MAPK8IP3: variants seen among roughly 807,000 people sequenced by gnomAD.
MAPK8IP3 encodes the protein mitogen-activated protein kinase 8 interacting protein 3.
In MAPK8IP3, 49 loss-of-function variants were observed where a neutral mutation model predicts 157.8. The observed-to-expected ratio is 0.31, with a 90% confidence interval of 0.25 to 0.39. The LOEUF is 0.39. Among genes scored for constraint, MAPK8IP3 ranks in the 10% least tolerant of loss-of-function variants. The pLI, the probability that MAPK8IP3 is intolerant of heterozygous loss-of-function variation, is 1.00. For synonymous variants in MAPK8IP3, 897 were observed against 777.7 expected (o/e 1.15, Z -2.55); for missense variants, 1,478 against 1,889.4 (o/e 0.78, Z 4.04).
intron 19 of MAPK8IP3, among the ~76,000 whole-genome samples, chr16:1,764,687 G>A (rs142021588): frequency 3.9e-5 from 6 of 152,284 alleles, no homozygotes; most frequent in Non-Finnish European, 8.8e-5. Context: ...GGCCTGCACT[G>A]GGCTGCAGGG....
chr16:1,763,569 C>G, intron 16 of MAPK8IP3, 88 bp from the exon 17 acceptor site: 1 of 1,379,836 alleles, frequency 7.2e-7, no homozygotes. Flanking sequence ...GCGGGCCTCC[C>G]TGCCGTGACC....
intron 2 of MAPK8IP3, among the ~76,000 whole-genome samples, chr16:1,726,864 C>T (rs942292244): frequency 2.0e-5 from 3 of 152,314 alleles, no homozygotes; most frequent in East Asian, 1.9e-4. Flanking sequence ...GGGCCACAGC[C>T]GTTGCCGGGG....
chr16:1,732,321 T>C (rs2039368834), intron 4 of MAPK8IP3, among the ~76,000 whole-genome samples: 1 of 152,228 alleles, frequency 6.6e-6, no homozygotes, highest in South Asian at 2.1e-4. Context: ...CATCAAGGCC[T>C]GGCCAGCTGC....
intron 4 of MAPK8IP3, among the ~76,000 whole-genome samples, chr16:1,733,905 C>T (rs1157723635): frequency 5.3e-5 from 8 of 152,240 alleles, no homozygotes; most frequent in East Asian, 3.9e-4. Context: ...CAGCCATTCA[C>T]TTCTTCTGGG....
chr16:1,763,163 T>A (rs2042051553), intron 16 of MAPK8IP3, among the ~76,000 whole-genome samples, 157 bp downstream of exon 16: 1 of 152,192 alleles, frequency 6.6e-6, no homozygotes, highest in Admixed American at 6.5e-5. Context: ...GCACACTGCC[T>A]GCCCCTCCCT....
chr16:1,759,602 C>T (rs932677320), intron 10 of MAPK8IP3, among the ~76,000 whole-genome samples: 2 of 152,172 alleles, frequency 1.3e-5, no homozygotes, highest in Admixed American at 6.5e-5. Flanking sequence ...GTCCCCTCAC[C>T]GCAGCTCCAA....
chr16:1,748,953 C>G (rs191713064), intron 8 of MAPK8IP3: 1 of 679,180 alleles, frequency 1.5e-6, no homozygotes, highest in African/African-American at 1.8e-5. Flanking sequence ...AGTCCCTGCT[C>G]TGAAGTGGTG....
Position 1,762,823 on chromosome 16 carries a change from G to T in MAPK8IP3, c.1728-13G>T. On this transcript the variant is annotated splice_polypyrimidine_tract_variant and intron_variant, in intron 15 of 31. Transcript: ENST00000610761. ...TCCTCTGCCCACCCCTCACCTCCCT[G>T]TGCCTCTGGCAGCTTCAGCCGCCTC... is the stretch of plus-strand genomic sequence containing the variant. 1 of 1,610,608 alleles carries T rather than the reference G, an allele frequency of 6.2e-7. No homozygotes were observed. The highest frequency in any genetic ancestry group is 8.5e-7 in the Non-Finnish European group (1 of 1,177,954).
chr16:1,767,419 T>A, intron 26 of MAPK8IP3, 122 bp downstream of exon 26: 1 of 1,506,352 alleles, frequency 6.6e-7, no homozygotes. Flanking sequence ...GTACCACCTA[T>A]GACTCAGGCT....
intron 8 of MAPK8IP3, among the ~76,000 whole-genome samples, chr16:1,754,959 G>A (rs926600510): frequency 3.3e-5 from 5 of 152,190 alleles, no homozygotes; most frequent in Admixed American, 6.5e-5. Context: ...ACAGGAATCC[G>A]TTCATTACCA....
chr16:1,735,687 G>A (rs1458875164), intron 4 of MAPK8IP3, among the ~76,000 whole-genome samples: 1 of 145,244 alleles, frequency 6.9e-6, no homozygotes, highest in African/African-American at 2.6e-5. Context: ...GTCCGTGTGA[G>A]CGTCTGTGTG....
Position 1,711,194 on chromosome 16 carries a change from C to A in MAPK8IP3, c.318+4537C>A, listed in dbSNP as rs535307325. Among the ~76,000 whole-genome samples the A allele has an allele frequency of 3.3e-5, 5 of 152,394 alleles. No individual in the cohort carries two copies. In the South Asian group the frequency reaches 1.0e-3, roughly 32 times the overall value. The stretch of plus-strand genomic sequence containing the variant: ...GAAAGGTTGCAGAATTAACACTCCT[C>A]ACCCAGCTTCCCAAGTGCAGGCGTC... On this transcript the variant is annotated intron_variant, in intron 1 of 31. Coordinates refer to ENST00000610761, the MANE Select transcript of MAPK8IP3 (RefSeq NM_001318852.2).
rs577337838 is a variant in MAPK8IP3, at chr16:1,766,248, G to A, written c.2658G>A (p.Lys886=). Residue 886 remains lysine (K), a synonymous_variant, in exon 22 of 32, where the codon AAG becomes AAA. Transcript: ENST00000610761. Reference sequence around the variant, plus strand: ...AGGTGGCCACCATCGCCAACGGGAAGGTCAACCCGTCCCAGTCCACAGAGG... The same window carrying A: ...AGGTGGCCACCATCGCCAACGGGAAAGTCAACCCGTCCCAGTCCACAGAGG... ...QGEVATIANG[K]VNPSQSTEEA... is the part of the protein sequence containing the mutation. 1.3e-5 allele frequency: 21 copies of A among 1,611,442 alleles called. No homozygotes were observed. In the African/African-American group the frequency reaches 2.5e-4, roughly 19 times the overall value.
Position 1,760,036 on chromosome 16 carries a change from T to C in MAPK8IP3, c.1304+21T>C, listed in dbSNP as rs1481307921. On this transcript the variant is annotated intron_variant, in intron 11 of 31. Coordinates refer to ENST00000610761, the MANE Select transcript of MAPK8IP3 (RefSeq NM_001318852.2). Reference sequence around the variant, plus strand: ...ACCAAGTAAGAGTGCCCTTCTCCTGTGTGGTGGGGCTGAGGCAGCCCTCCT... The same window carrying C: ...ACCAAGTAAGAGTGCCCTTCTCCTGCGTGGTGGGGCTGAGGCAGCCCTCCT... 1.9e-6 allele frequency: 3 copies of C among 1,613,788 alleles called. No homozygotes were observed. In the East Asian group the frequency reaches 6.7e-5, roughly 36 times the overall value.
intron 8 of MAPK8IP3, among the ~76,000 whole-genome samples, chr16:1,749,233 A>G (rs920071829): frequency 1.3e-5 from 2 of 152,192 alleles, no homozygotes; most frequent in Non-Finnish European, 2.9e-5. Context: ...GCGTACTCAC[A>G]GGTGGGGCAG....
rs900150338 is a variant in MAPK8IP3, at chr16:1,766,058, C to G, written c.2545C>G (p.Leu849Val). ...GADGVLAGIT[L>V]VGCATRCNVP... ...AGATGGCGTGCTGGCCGGTATCACCCTGGTGGGCTGTGCCACCCGCTGCAA... is the reference window on the plus strand; with the variant it reads ...AGATGGCGTGCTGGCCGGTATCACCGTGGTGGGCTGTGCCACCCGCTGCAA... Residue 849 changes from leucine to valine, a missense_variant, in exon 21 of 32, where the codon CTG (leucine) becomes GTG (valine). By Grantham distance (32) the Leu-to-Val change is conservative (BLOSUM62 1). Transcript: ENST00000610761. 2 of 1,612,844 alleles carry G rather than the reference C, an allele frequency of 1.2e-6. No individual in the cohort carries two copies. The highest frequency in any genetic ancestry group is 1.7e-5 in the Admixed American group (1 of 60,000).
intron 4 of MAPK8IP3, among the ~76,000 whole-genome samples, chr16:1,732,683 C>T (rs1036454544): frequency 3.3e-5 from 5 of 152,202 alleles, no homozygotes; most frequent in African/African-American, 7.2e-5. Context: ...GCCAGCTTGC[C>T]CCGAGAACAG....
At chr16:1,738,290 A>G (rs1421458891) in intron 4 of MAPK8IP3, among the ~76,000 whole-genome samples, 3 of 65,092 alleles carry the variant, frequency 4.6e-5, no homozygotes, top group Admixed American at 2.0e-4. Flanking sequence ...GTGACCATCC[A>G]TGTGAGCATC....
chr16:1,762,635 G>A, intron 14 of MAPK8IP3, 40 bp from the exon 15 acceptor site: 1 of 1,542,934 alleles, frequency 6.5e-7, no homozygotes, highest in Non-Finnish European at 8.8e-7. Context: ...AGGGAGGCGT[G>A]AGGGCACTAG....
Sources: allele counts gnomAD v4.1 joint callset (sites outside exome capture counted in the v4.1 genomes callset), GRCh38; gene constraint gnomAD v4.1.1; transcripts MANE v1.5; gene names NCBI Gene and HGNC (gene_info 2026-07-23, HGNC 2026-07-21).